Variants in RBM47 observed in about 807,000 individuals in gnomAD.
RBM47 encodes RNA binding motif protein 47.
RBM47 carries 21 observed loss-of-function variants against 47.1 expected under a neutral mutation model. The observed-to-expected ratio is 0.45, with a 90% CI of 0.32 to 0.64. RBM47 has a LOEUF of 0.64. RBM47 is among the 30% of genes least tolerant of loss of function. The probability of loss-of-function intolerance (pLI) is 0.05; values close to 1 mark genes in which losing one functional copy is unlikely to be tolerated. For synonymous variants in RBM47, 375 were observed against 361.7 expected, an observed-to-expected ratio of 1.04 and a Z score of -0.42; for missense variants, 708 against 870.9, an observed-to-expected ratio of 0.81 and a Z score of 2.35.
chr4:40,535,008 G>C (rs1727800640), intron 2 of RBM47, among the ~76,000 whole-genome samples: 1 of 151,700 alleles, frequency 6.6e-6, no homozygotes, highest in East Asian at 1.9e-4. Context: ...TGCCATGCAT[G>C]AACTGTATGA....
chr4:40,438,470 GC>G lies in RBM47; in HGVS notation c.423del (p.Leu142SerfsTer20). On this transcript the variant is annotated frameshift_variant, in exon 4 of 7. Coordinates refer to ENST00000295971, the MANE Select transcript of RBM47 (RefSeq NM_001098634.2). LOFTEE classifies it high-confidence loss of function. ...LNNYEIRPGR[L>X]LGVCCSVDNC... The stretch of plus-strand genomic sequence containing the variant: ...TTGTCCACGCTGCAGCACACGCCGA[GC>G]AGGCGGCCCGGGCGGATCTCGTAGT... The G allele has an allele frequency of 6.2e-7, 1 of 1,613,572 alleles. No homozygotes were observed. Among genetic ancestry groups the G allele is most frequent in the Non-Finnish European group, 8.5e-7 (1 of 1,179,962 alleles).
At position 40,616,368 on chromosome 4, in the gene RBM47, GAA is replaced by G. The variant is rs56280844; in HGVS notation, c.-240+13026_-240+13027del. 1.4e-4 allele frequency among the ~76,000 whole-genome samples: 20 copies of G among 141,134 alleles called. 1 individual carries two copies. The highest frequency in any genetic ancestry group is 3.6e-3 in the Middle Eastern group (1 of 274). 92.6% of individuals were successfully genotyped at this position (141,134 alleles called of 152,430 possible). ...GACTCTGTCTCAAAAAAAAAAAAAA[GAA>G]AAAAAAAAAATCACTTCTTTGGTCA... On this transcript the variant is annotated intron_variant, in intron 1 of 6. Coordinates refer to ENST00000295971, the MANE Select transcript of RBM47 (RefSeq NM_001098634.2).
chr4:40,505,425 G>A (rs1465833031), intron 2 of RBM47, among the ~76,000 whole-genome samples: 2 of 148,846 alleles, frequency 1.3e-5, no homozygotes, highest in African/African-American at 2.5e-5. Context: ...CCAGTGAGGC[G>A]AGATTGTGCC....
chr4:40,506,061 C>T (rs1724066867), intron 2 of RBM47, among the ~76,000 whole-genome samples: 1 of 152,126 alleles, frequency 6.6e-6, no homozygotes, highest in Admixed American at 6.6e-5. Flanking sequence ...TATCAAACAA[C>T]AGCAGTGATG....
chr4:40,559,034 A>G (rs888846510), intron 1 of RBM47, among the ~76,000 whole-genome samples: 1 of 152,098 alleles, frequency 6.6e-6, no homozygotes, highest in Admixed American at 6.6e-5. Flanking sequence ...TGTTCCAAGC[A>G]CTGTGCTAGT....
At chr4:40,437,108 T>TATAA (rs1553877731) in intron 4 of RBM47, among the ~76,000 whole-genome samples, 7 of 75,756 alleles carry the variant, frequency 9.2e-5, no homozygotes, top group African/African-American at 3.3e-4. Flanking sequence ...TATATATATA[T>TATAA]ATAAAATACA....
chr4:40,576,607 G>A (rs1420524154), intron 1 of RBM47, among the ~76,000 whole-genome samples: 1 of 151,990 alleles, frequency 6.6e-6, no homozygotes, highest in Non-Finnish European at 1.5e-5. Context: ...TCACTCTATC[G>A]CCCAGGCTGG....
intron 2 of RBM47, among the ~76,000 whole-genome samples, chr4:40,513,756 T>C (rs1246460781): frequency 1.3e-5 from 2 of 152,018 alleles, no homozygotes; most frequent in Non-Finnish European, 2.9e-5. Flanking sequence ...TTCGCTCTTG[T>C]CACCCAGGCT....
chr4:40,590,277 C>T (rs1471738236), intron 1 of RBM47, among the ~76,000 whole-genome samples: 1 of 152,112 alleles, frequency 6.6e-6, no homozygotes, highest in African/African-American at 2.4e-5. Context: ...CACCTATAAT[C>T]CCAGCGACTC....
At chr4:40,462,148 G>A (rs559943421) in intron 3 of RBM47, among the ~76,000 whole-genome samples, 2 of 152,190 alleles carry the variant, frequency 1.3e-5, no homozygotes, top group African/African-American at 2.4e-5. Flanking sequence ...GAAGCTAGGC[G>A]AGGCGGGTTA....
chr4:40,569,460 A>C (rs1030527334), intron 1 of RBM47, among the ~76,000 whole-genome samples: 2 of 147,580 alleles, frequency 1.4e-5, no homozygotes, highest in Non-Finnish European at 3.0e-5. Flanking sequence ...CCCAGGCTGG[A>C]GTGCAGTGGT....
At chr4:40,532,669 A>T (rs200119347) in intron 2 of RBM47, among the ~76,000 whole-genome samples, 4 of 140,948 alleles carry the variant, frequency 2.8e-5, no homozygotes, top group African/African-American at 5.3e-5. Context: ...ATTTTTTTCC[A>T]TTTTTTTTTT....
At chr4:40,484,581 T>G (rs999380671) in intron 2 of RBM47, among the ~76,000 whole-genome samples, 1 of 152,230 alleles carries the variant, frequency 6.6e-6, no homozygotes, top group Non-Finnish European at 1.5e-5. Flanking sequence ...TCCATAACAT[T>G]GCAGGCTTTT....
intron 2 of RBM47, among the ~76,000 whole-genome samples, chr4:40,539,700 A>C (rs140355300): frequency 5.8e-4 from 72 of 123,522 alleles, no homozygotes; most frequent in African/African-American, 2.2e-3. Flanking sequence ...AGATTGTGCC[A>C]CTGCACTCCA....
At chr4:40,605,775 G>T (rs1735703993) in intron 1 of RBM47, among the ~76,000 whole-genome samples, 1 of 151,954 alleles carries the variant, frequency 6.6e-6, no homozygotes, top group South Asian at 2.1e-4. Flanking sequence ...AGGTTGCAGT[G>T]AGCCCAGATC....
chr4:40,561,549 TTTTTTC>T (rs1730631711), intron 1 of RBM47, among the ~76,000 whole-genome samples: 1 of 111,064 alleles, frequency 9.0e-6, no homozygotes, highest in East Asian at 2.9e-4. Context: ...CTTTTCTTTT[TTTTTTC>T]TTTTTTTTTT....
At chr4:40,556,198 G>A (rs776893575) in intron 1 of RBM47, among the ~76,000 whole-genome samples, 1 of 151,718 alleles carries the variant, frequency 6.6e-6, no homozygotes, top group Non-Finnish European at 1.5e-5. Flanking sequence ...ACCGCGTCTG[G>A]CTTATTTTTG....
chr4:40,552,544 C>T (rs1203212011), intron 1 of RBM47, among the ~76,000 whole-genome samples: 1 of 152,172 alleles, frequency 6.6e-6, no homozygotes, highest in Non-Finnish European at 1.5e-5. Context: ...CAGGGGTAGA[C>T]TCATTTCTGT....
chr4:40,456,083 C>A (rs1051210937), intron 3 of RBM47, among the ~76,000 whole-genome samples: 4 of 152,176 alleles, frequency 2.6e-5, no homozygotes, highest in African/African-American at 9.7e-5. Flanking sequence ...ATGGCTACTA[C>A]TATGTTCTCT....
Sources: gnomAD v4.1 joint callset for allele counts (sites outside exome capture counted in the v4.1 genomes callset) on GRCh38, gnomAD v4.1.1 for gene constraint, MANE v1.5 for transcripts, NCBI Gene and HGNC (gene_info 2026-07-23, HGNC 2026-07-21) for gene names.